The following PEPD variants were observed in gnomAD, a reference collection of about 807,000 sequenced individuals.
The protein encoded by PEPD is xaa-Pro dipeptidase.
A neutral mutation model predicts 60.7 loss-of-function variants in PEPD; 53 were observed. That is an observed-to-expected ratio of 0.87 (90% CI 0.70 to 1.10). The LOEUF (loss-of-function observed/expected upper bound fraction) is 1.10, where lower values mean the gene tolerates loss of function less well. Among genes scored for constraint, PEPD ranks in the 50% least tolerant of loss-of-function variants. PEPD has a pLI of 0.00. For synonymous variants in PEPD, 267 were observed against 284.1 expected, an observed-to-expected ratio of 0.94 and a Z score of 0.60; for missense variants, 711 against 711.9, an observed-to-expected ratio of 1.00 and a Z score of 0.01.
intron 12 of PEPD, among the ~76,000 whole-genome samples, chr19:33,393,468 C>T (rs902191769): frequency 2.0e-5 from 3 of 150,884 alleles, no homozygotes; most frequent in African/African-American, 7.5e-5. Context: ...ATAACTGCAG[C>T]CCACTTGGCC....
chr19:33,451,504 T>C (rs561593037), intron 9 of PEPD, among the ~76,000 whole-genome samples: 2 of 152,078 alleles, frequency 1.3e-5, no homozygotes, highest in African/African-American at 2.4e-5. Context: ...CTTCCAAAGA[T>C]AGAAAAACTT....
chr19:33,492,503 T>C (rs1332453330), intron 5 of PEPD, among the ~76,000 whole-genome samples: 1 of 152,254 alleles, frequency 6.6e-6, no homozygotes, highest in Admixed American at 6.5e-5. Flanking sequence ...ATACATGAGC[T>C]ATCCATCACC....
At chr19:33,454,502 T>C (rs1969759664) in intron 9 of PEPD, among the ~76,000 whole-genome samples, 1 of 151,772 alleles carries the variant, frequency 6.6e-6, no homozygotes, top group East Asian at 1.9e-4. Flanking sequence ...CTCGAGCGGC[T>C]GAAGCAGGAG....
At chr19:33,502,577 T>C (rs1407869723) in intron 3 of PEPD, among the ~76,000 whole-genome samples, 3 of 152,134 alleles carry the variant, frequency 2.0e-5, no homozygotes, top group Admixed American at 6.5e-5. Context: ...AGTAGAGTCT[T>C]GGTTTGCAAA....
chr19:33,388,049 C>T lies in PEPD; in HGVS notation c.1185G>A (p.Arg395=), dbSNP rs1448038944. 1.3e-6 allele frequency: 2 copies of T among 1,556,848 alleles called. No homozygotes were observed. Among genetic ancestry groups the T allele is most frequent in the Non-Finnish European group, 1.7e-6 (2 of 1,151,140 alleles). Residue 395 remains arginine (R), a synonymous_variant, in exon 14 of 15, where the codon CGG becomes CGA. Coordinates refer to ENST00000244137, the MANE Select transcript of PEPD (RefSeq NM_000285.4). ...GVERIDEPGL[R]SLRTARHLQP... ...GCAGGTGCCGTGCAGTGCGCAGGCT[C>T]CGCAGGCCGGGCTCGTCGATGCGCT...
At chr19:33,431,901 G>A (rs887520286) in intron 9 of PEPD, among the ~76,000 whole-genome samples, 1 of 150,584 alleles carries the variant, frequency 6.6e-6, no homozygotes, top group African/African-American at 2.5e-5. Context: ...GCTGAGGCAG[G>A]AGAATCGCTT....
At chr19:33,449,600 A>G (rs76582655) in intron 9 of PEPD, among the ~76,000 whole-genome samples, 11,388 of 152,232 alleles carry the variant, frequency 0.075, 527 homozygotes, top group Non-Finnish European at 0.11. Context: ...AGTGGACATC[A>G]TGAGAGGAAG....
intron 7 of PEPD, chr19:33,477,360 T>C (rs1243721551): frequency 6.3e-6 from 1 of 159,226 alleles, no homozygotes; most frequent in East Asian, 1.8e-4. Context: ...AGGCTACACA[T>C]CTCCTTGGCA....
In PEPD at chr19:33,493,342, A is replaced by G. The variant is rs903666404; in HGVS notation, c.394-5T>C. 6.2e-7 allele frequency: 1 copy of G among 1,611,900 alleles called. No homozygotes were observed. Among genetic ancestry groups the G allele is most frequent in the Non-Finnish European group, 8.5e-7 (1 of 1,178,226 alleles). On this transcript the variant is annotated splice_region_variant and splice_polypyrimidine_tract_variant and intron_variant, in intron 4 of 14. Coordinates refer to ENST00000244137, the MANE Select transcript of PEPD (RefSeq NM_000285.4). ...TGACGTCAGGACGCTGGCAATCTAG[A>G]AGGTCGGAAAGAAAAACCCACTTTA...
At chr19:33,477,720 G>A (rs910293371) in intron 7 of PEPD, among the ~76,000 whole-genome samples, 6 of 152,356 alleles carry the variant, frequency 3.9e-5, no homozygotes, top group African/African-American at 1.4e-4. Context: ...ATGGGATTAT[G>A]TGTTATGTTT....
chr19:33,441,684 C>T (rs1568473001), intron 9 of PEPD, among the ~76,000 whole-genome samples: 1 of 152,196 alleles, frequency 6.6e-6, no homozygotes, highest in Non-Finnish European at 1.5e-5. Flanking sequence ...CCCCTGGCTT[C>T]CTGGCTGAGG....
intron 11 of PEPD, 85 bp from the exon 12 acceptor site, chr19:33,401,954 G>C (rs897879460): frequency 1.5e-6 from 2 of 1,347,874 alleles, no homozygotes; most frequent in South Asian, 1.2e-5. Context: ...CCCTGGACTC[G>C]AGGGCAGCTG....
intron 9 of PEPD, among the ~76,000 whole-genome samples, chr19:33,458,400 G>GT (rs879836666): frequency 6.6e-6 from 1 of 151,552 alleles, no homozygotes; most frequent in Admixed American, 6.6e-5. Flanking sequence ...GATGTATGGT[G>GT]TGTGTGGTGT....
chr19:33,414,284 C>A (rs1461248040), intron 9 of PEPD, among the ~76,000 whole-genome samples: 2 of 152,230 alleles, frequency 1.3e-5, no homozygotes, highest in Non-Finnish European at 2.9e-5. Context: ...CAAGCTCCCA[C>A]CCTGAGCGGG....
At chr19:33,481,358 G>C (rs1022571373) in intron 6 of PEPD, among the ~76,000 whole-genome samples, 1 of 152,154 alleles carries the variant, frequency 6.6e-6, no homozygotes, top group Non-Finnish European at 1.5e-5. Flanking sequence ...CCTGAGGTCA[G>C]GAGTTCGAGA....
intron 9 of PEPD, among the ~76,000 whole-genome samples, chr19:33,432,427 C>A (rs779101359): frequency 3.3e-5 from 5 of 152,228 alleles, no homozygotes; most frequent in Non-Finnish European, 5.9e-5. Flanking sequence ...GGGGACCACC[C>A]ACCCAAGCAA....
intron 9 of PEPD, among the ~76,000 whole-genome samples, chr19:33,431,190 G>A (rs111317273): frequency 0.13 from 18,818 of 148,554 alleles, 1,422 homozygotes; most frequent in East Asian, 0.26. Context: ...AAGGGAGGGA[G>A]GGAGGGAGGG....
intron 2 of PEPD, 63 bp from the exon 3 acceptor site, chr19:33,511,218 G>C: frequency 4.4e-6 from 7 of 1,583,570 alleles, no homozygotes; most frequent in Non-Finnish European, 6.1e-6. Context: ...GGGACCGGTG[G>C]CTGCATCACA....
At chr19:33,518,125 G>A (rs997618083) in intron 1 of PEPD, among the ~76,000 whole-genome samples, 4 of 152,160 alleles carry the variant, frequency 2.6e-5, no homozygotes, top group Non-Finnish European at 4.4e-5. Flanking sequence ...GACCGTAAGC[G>A]CCAGGCTGGA....
Sources: gnomAD v4.1 joint callset for allele counts (sites outside exome capture counted in the v4.1 genomes callset) on GRCh38, gnomAD v4.1.1 for gene constraint, MANE v1.5 for transcripts, NCBI Gene and HGNC (gene_info 2026-07-23, HGNC 2026-07-21) for gene names.